The following FANCB variants were observed in gnomAD, a reference collection of about 807,000 sequenced individuals.
FANCB encodes Fanconi anemia group B protein.
A neutral mutation model predicts 38.9 loss-of-function variants in FANCB; 5 were observed. That is an observed-to-expected ratio of 0.13 (90% CI 0.07 to 0.27). FANCB has a LOEUF of 0.27. Ranked by LOEUF, FANCB falls within the 10% of genes least tolerant of loss-of-function variation. FANCB has a pLI of 1.00. For missense variants in FANCB, 573 were observed against 602.7 expected (o/e 0.95, Z 0.52); for synonymous variants, 236 against 215.4 (o/e 1.10, Z -0.84).
the FANCB span, among the ~76,000 whole-genome samples, chrX:14,695,692 C>G: frequency 8.9e-6 from 1 of 111,833 alleles, no homozygotes; most frequent in Non-Finnish European, 1.9e-5. Flanking sequence ...GGGAGAATGA[C>G]TATGGTTGCT....
At chrX:14,792,120 T>C in the FANCB span, among the ~76,000 whole-genome samples, 104 of 111,994 alleles carry the variant, frequency 9.3e-4, no homozygotes, top group African/African-American at 3.1e-3. Flanking sequence ...ATGATAGAAC[T>C]GCCAAGAACA....
chrX:14,827,780 C>T, the FANCB span, among the ~76,000 whole-genome samples: 2 of 111,972 alleles, frequency 1.8e-5, no homozygotes, highest in Non-Finnish European at 3.8e-5. Context: ...ACTCCTGCTC[C>T]TTCCACTGAC....
chrX:14,754,728 C>T, the FANCB span, among the ~76,000 whole-genome samples: 5 of 109,294 alleles, frequency 4.6e-5, no homozygotes, highest in African/African-American at 1.7e-4. Flanking sequence ...TTCAGGGGTA[C>T]ACATGCAGGT....
At chrX:14,716,411 A>G in the FANCB span, among the ~76,000 whole-genome samples, 1 of 111,862 alleles carries the variant, frequency 8.9e-6, no homozygotes. Context: ...TTCCTCTGCA[A>G]TATCCAGTCT....
the FANCB span, among the ~76,000 whole-genome samples, chrX:14,693,897 A>G: frequency 6.6e-3 from 740 of 112,217 alleles, no homozygotes; most frequent in Non-Finnish European, 0.011. Flanking sequence ...TAAATTGTAC[A>G]TATCAAAATA....
At chrX:14,834,643 G>A (rs5978692), downstream of FANCB, 3,676 of 593,931 alleles carry the variant, frequency 6.2e-3, 46 homozygotes, top group African/African-American at 0.041. Context: ...GGTCCCTTTG[G>A]TGTTTTAGGA....
At chrX:14,779,220 C>A in the FANCB span, among the ~76,000 whole-genome samples, 1 of 112,558 alleles carries the variant, frequency 8.9e-6, no homozygotes, top group Non-Finnish European at 1.9e-5. Flanking sequence ...GAGAGCACTT[C>A]TTTAAGAAAT....
the FANCB span, among the ~76,000 whole-genome samples, chrX:14,784,298 G>C: frequency 1.8e-5 from 2 of 112,492 alleles, no homozygotes; most frequent in South Asian, 7.3e-4. Context: ...TACAGTCAAG[G>C]TGTTGGCAGG....
At chrX:14,698,777 A>G in the FANCB span, among the ~76,000 whole-genome samples, 1 of 109,972 alleles carries the variant, frequency 9.1e-6, no homozygotes, top group Non-Finnish European at 1.9e-5. Flanking sequence ...CTGAAATAAC[A>G]TACAGGTTGA....
the FANCB span, among the ~76,000 whole-genome samples, chrX:14,801,797 C>A: frequency 9.1e-6 from 1 of 110,327 alleles, no homozygotes; most frequent in African/African-American, 3.3e-5. Context: ...ATGTAGCCAC[C>A]CTTCTATTTA....
the FANCB span, among the ~76,000 whole-genome samples, chrX:14,807,876 G>T: frequency 9.0e-6 from 1 of 111,574 alleles, no homozygotes; most frequent in Non-Finnish European, 1.9e-5. Context: ...AATGAAAAAG[G>T]ATACATTACA....
the FANCB span, among the ~76,000 whole-genome samples, chrX:14,827,277 T>TA: frequency 5.4e-5 from 6 of 111,924 alleles, no homozygotes; most frequent in African/African-American, 1.9e-4. Context: ...AGCTTATTGG[T>TA]ATTTTTATCA....
chrX:14,801,926 G>A, the FANCB span, among the ~76,000 whole-genome samples: 2 of 111,119 alleles, frequency 1.8e-5, no homozygotes, highest in Admixed American at 9.6e-5. Context: ...AATAAGAAGC[G>A]CTCTGTGACT....
chrX:14,785,470 T>C, the FANCB span, among the ~76,000 whole-genome samples: 1 of 112,289 alleles, frequency 8.9e-6, no homozygotes, highest in Non-Finnish European at 1.9e-5. Flanking sequence ...CAAGCTTCCA[T>C]GAGCCAACCT....
At chrX:14,867,370 G>A (rs963850418) in intron 2 of FANCB, among the ~76,000 whole-genome samples, 4 of 111,491 alleles carry the variant, frequency 3.6e-5, no homozygotes, top group Non-Finnish European at 5.7e-5. Context: ...GCATGGTACC[G>A]ACATAAAAAC....
the FANCB span, among the ~76,000 whole-genome samples, chrX:14,708,810 C>G: frequency 3.6e-5 from 4 of 111,379 alleles, no homozygotes; most frequent in East Asian, 1.1e-3. Context: ...GTGGCTCATG[C>G]CTGTAATCCC....
At chrX:14,712,447 G>A in the FANCB span, among the ~76,000 whole-genome samples, 2 of 110,514 alleles carry the variant, frequency 1.8e-5, no homozygotes, top group Non-Finnish European at 3.8e-5. Context: ...GCAGGATTTT[G>A]TCTTCTTTAT....
downstream of FANCB, among the ~76,000 whole-genome samples, chrX:14,842,100 C>A (rs6631189): frequency 8.1e-5 from 9 of 111,690 alleles, no homozygotes; most frequent in East Asian, 2.0e-3. Flanking sequence ...ACAGATAGCA[C>A]ATGACACATA....
chrX:14,815,346 C>G, the FANCB span, among the ~76,000 whole-genome samples: 320 of 103,949 alleles, frequency 3.1e-3, no homozygotes, highest in African/African-American at 0.01. Context: ...GGGAAGAATC[C>G]CAAATAAAAA....
Sources: allele counts gnomAD v4.1 joint callset (sites outside exome capture counted in the v4.1 genomes callset), GRCh38; gene constraint gnomAD v4.1.1; transcripts MANE v1.5; gene names NCBI Gene and HGNC (gene_info 2026-07-23, HGNC 2026-07-21).